The following MINAR1 variants were observed in gnomAD, a reference collection of about 807,000 sequenced individuals.
MINAR1 encodes the protein membrane integral NOTCH2 associated receptor 1.
Under a neutral mutation model 65.1 loss-of-function variants are expected in MINAR1, and 40 were observed. The ratio of observed to expected loss-of-function variants is 0.61; its 90% CI spans 0.48 to 0.80. MINAR1 has a LOEUF of 0.80. Ranked by LOEUF, MINAR1 falls within the 30% of genes least tolerant of loss-of-function variation. MINAR1 has a pLI of 0.00. For missense variants in MINAR1, 1,128 were observed against 1,148.0 expected, an observed-to-expected ratio of 0.98 and a Z score of 0.25; for synonymous variants, 482 against 449.1, an observed-to-expected ratio of 1.07 and a Z score of -0.93.
the MINAR1 span, chr15:79,414,747 G>A: frequency 1.3e-5 from 2 of 152,320 alleles, no homozygotes; most frequent in East Asian, 3.9e-4. Flanking sequence ...TGCTTGTAAT[G>A]TGCCTAGAGG....
At position 79,456,798 on chromosome 15, in the gene MINAR1, C is replaced by T. The variant is rs139908672; in HGVS notation, c.651C>T (p.Pro217=). 7.0e-4 allele frequency: 1,137 copies of T among 1,614,194 alleles called. 4 individuals are homozygous for T. In the African/African-American group the frequency reaches 0.012, roughly 17 times the overall value. The change falls in exon 2 of 4, where the codon CCC becomes CCT. Residue 217 remains proline, a synonymous_variant. Coordinates refer to ENST00000305428, the MANE Select transcript of MINAR1 (RefSeq NM_015206.3). ...GTGAGATGCAGAGGACCTACTTCCCCATGAACATCGAAAACGAGTCCATTT... is the reference window on the plus strand; with the variant it reads ...GTGAGATGCAGAGGACCTACTTCCCTATGAACATCGAAAACGAGTCCATTT... The part of the protein sequence containing the change: ...QPCEMQRTYF[P]MNIENESISD...
chr15:79,441,876 C>A (rs1894879697), intron 1 of MINAR1, among the ~76,000 whole-genome samples: 1 of 151,956 alleles, frequency 6.6e-6, no homozygotes, highest in African/African-American at 2.4e-5. Flanking sequence ...AGTAATCAAA[C>A]AAATTGCTGT....
chr15:79,458,521 G>A (rs1479333796), intron 2 of MINAR1, 76 bp downstream of exon 2: 1 of 1,518,960 alleles, frequency 6.6e-7, no homozygotes, highest in Admixed American at 2.0e-5. Context: ...CCTTGAACAT[G>A]GCGTTAAACA....
upstream of MINAR1, among the ~76,000 whole-genome samples, chr15:79,427,987 C>G (rs989291514): frequency 6.6e-6 from 1 of 152,164 alleles, no homozygotes; most frequent in Non-Finnish European, 1.5e-5. Context: ...TACTGCTTGC[C>G]GTTTTGTCGG....
rs779034389 is a variant in MINAR1 at position 79,457,153 on chromosome 15, G to A, written c.1006G>A (p.Ala336Thr). ...GCACGAAAGCTTAGATGACCTTCAA[G>A]CCTCTACATATTTTGGGCCCACTCC... ...AKHESLDDLQASTYFGPTPVM... is the reference protein window; with the variant it reads ...AKHESLDDLQTSTYFGPTPVM... The change falls in exon 2 of 4, where the codon GCC becomes ACC. Residue 336 changes from alanine to threonine, a missense_variant. By Grantham distance (58) the Ala-to-Thr change is moderately conservative. Transcript: ENST00000305428. 7.4e-6 allele frequency: 12 copies of A among 1,614,028 alleles called. No individual in the cohort carries two copies. The highest frequency in any genetic ancestry group is 2.2e-5 in the East Asian group (1 of 44,886).
intron 1 of MINAR1, among the ~76,000 whole-genome samples, chr15:79,437,910 A>G (rs2141276393): frequency 1.1e-4 from 1 of 9,020 alleles, no homozygotes; most frequent in East Asian, 4.2e-3. Flanking sequence ...TGGGGTGGGT[A>G]GTGAGTGTGT....
At chr15:79,446,018 A>G (rs1359241671) in intron 1 of MINAR1, among the ~76,000 whole-genome samples, 1 of 152,120 alleles carries the variant, frequency 6.6e-6, no homozygotes, top group African/African-American at 2.4e-5. Context: ...TGTGATATTA[A>G]TTAGTTATAC....
At chr15:79,416,743 G>A in the MINAR1 span, 5 of 152,206 alleles carry the variant, frequency 3.3e-5, no homozygotes, top group Admixed American at 6.5e-5. Flanking sequence ...AGTCAGCGAG[G>A]CAGGCCGAGA....
chr15:79,429,760 T>C (rs190672154), upstream of MINAR1, among the ~76,000 whole-genome samples: 1 of 152,350 alleles, frequency 6.6e-6, no homozygotes, highest in East Asian at 1.9e-4. Context: ...AGTATCACTC[T>C]GGTGCAGTGA....
intron 1 of MINAR1, among the ~76,000 whole-genome samples, chr15:79,450,947 A>G (rs947692755): frequency 4.6e-5 from 7 of 152,160 alleles, no homozygotes; most frequent in Non-Finnish European, 1.0e-4. Flanking sequence ...TGCTTTACAT[A>G]TGCTTGTTAA....
intron 1 of MINAR1, among the ~76,000 whole-genome samples, chr15:79,444,119 G>A (rs887462730): frequency 1.3e-5 from 2 of 152,208 alleles, no homozygotes; most frequent in East Asian, 3.8e-4. Flanking sequence ...GCCTTAGGCT[G>A]TGTGGCCTTT....
Position 79,456,359 on chromosome 15 carries a change from G to A in MINAR1, c.212G>A (p.Cys71Tyr), listed in dbSNP as rs140800873. 9.9e-6 allele frequency: 16 copies of A among 1,614,090 alleles called. No individual in the cohort carries two copies. Among genetic ancestry groups the A allele is most frequent in the African/African-American group, 4.0e-5 (3 of 74,934 alleles). The change falls in exon 2 of 4, where the codon TGC becomes TAC. Residue 71 changes from cysteine to tyrosine, a missense_variant. Coordinates refer to ENST00000305428, the MANE Select transcript of MINAR1 (RefSeq NM_015206.3). ...ACGCTATTCAAAGACAAGATGAAAT[G>A]CACTGTGAATAACCAGCAATCAAAG... is the stretch of plus-strand genomic sequence containing the variant. ...PATLFKDKMK[C>Y]TVNNQQSKKI...
Position 79,470,635 on chromosome 15 carries a change from G to A in MINAR1, c.*2251G>A, listed in dbSNP as rs1017269477. On this transcript the variant is annotated 3_prime_UTR_variant, in exon 4 of 4. Transcript: ENST00000305428. ...TGACTATAAGTCACACCTCAGGCTT[G>A]GAAATGAAAGGATTCTATAGAATAT... 1 of 152,164 alleles carries A rather than the reference G, an allele frequency of 6.6e-6. No homozygotes were observed. The highest frequency in any genetic ancestry group is 2.4e-5 in the African/African-American group (1 of 41,432). 9.4% of individuals were successfully genotyped at this position (152,164 alleles called of 1,614,324 possible).
chr15:79,417,249 G>A, the MINAR1 span: 1 of 152,206 alleles, frequency 6.6e-6, no homozygotes, highest in Non-Finnish European at 1.5e-5. Flanking sequence ...CAAGAATGTA[G>A]AATACACAGT....
intron 1 of MINAR1, among the ~76,000 whole-genome samples, chr15:79,436,755 T>A (rs1010414982): frequency 7.2e-5 from 11 of 152,234 alleles, no homozygotes; most frequent in African/African-American, 2.4e-4. Context: ...CACAACTGTA[T>A]GATTTTTCTG....
the MINAR1 span, chr15:79,413,406 A>T: frequency 0.014 from 2,086 of 152,280 alleles, 26 homozygotes; most frequent in South Asian, 0.026. Flanking sequence ...TGCTCTGCAG[A>T]ACCCAACAGA....
At position 79,441,088 on chromosome 15, in the gene MINAR1, T is replaced by C. The variant is rs537009178; in HGVS notation, c.-51+8548T>C. Among the ~76,000 whole-genome samples the C allele has an allele frequency of 2.6e-5, 4 of 152,322 alleles. No individual in the cohort carries two copies. The South Asian group carries it at 6.2e-4, about 24-fold the overall frequency. On this transcript the variant is annotated intron_variant, in intron 1 of 3. Transcript: ENST00000305428. ...GGAATTGATATCTTCCTTTTATAGA[T>C]AAGAAAATCAAAGATTAGAGATGAT... is the stretch of plus-strand genomic sequence containing the variant.
the MINAR1 span, chr15:79,417,630 ATC>A: frequency 6.6e-6 from 1 of 152,184 alleles, no homozygotes; most frequent in Non-Finnish European, 1.5e-5. Context: ...GTTAGAAATC[ATC>A]TGTTTGCTGC....
chr15:79,448,316 C>A (rs1396857706), intron 1 of MINAR1, among the ~76,000 whole-genome samples: 1 of 152,234 alleles, frequency 6.6e-6, no homozygotes, highest in East Asian at 1.9e-4. Flanking sequence ...CAACTCCTTG[C>A]TGCCCTCTTT....
Sources: allele counts gnomAD v4.1 joint callset (sites outside exome capture counted in the v4.1 genomes callset), GRCh38; gene constraint gnomAD v4.1.1; transcripts MANE v1.5; gene names NCBI Gene and HGNC (gene_info 2026-07-23, HGNC 2026-07-21).